The following RUNX1 variants were observed in gnomAD, a reference collection of about 807,000 sequenced individuals.
The protein encoded by RUNX1 is RUNX family transcription factor 1.
A neutral mutation model predicts 42.8 loss-of-function variants in RUNX1; 19 were observed. That is an observed-to-expected ratio of 0.44 (90% confidence interval 0.31 to 0.65). The LOEUF is 0.65. Among genes scored for constraint, RUNX1 ranks in the 30% least tolerant of loss-of-function variants. The pLI is 0.07. For missense variants in RUNX1, 528 were observed against 672.0 expected, an observed-to-expected ratio of 0.79 and a Z score of 2.37; for synonymous variants, 271 against 289.4, an observed-to-expected ratio of 0.94 and a Z score of 0.64.
intron 6 of RUNX1, chr21:34,856,273 T>C (rs2146216085): frequency 8.3e-6 from 4 of 482,378 alleles, no homozygotes; most frequent in South Asian, 6.0e-5. Context: ...GATAACTGCT[T>C]TATTTAGTTA....
chr21:34,992,258 G>T (rs901852714), intron 2 of RUNX1, among the ~76,000 whole-genome samples: 1 of 152,156 alleles, frequency 6.6e-6, no homozygotes, highest in African/African-American at 2.4e-5. Context: ...TGGATGTAGT[G>T]GGGGACTCCC....
chr21:35,033,789 C>A (rs964471330), intron 2 of RUNX1, among the ~76,000 whole-genome samples: 1 of 152,122 alleles, frequency 6.6e-6, no homozygotes, highest in African/African-American at 2.4e-5. Context: ...AGGTTACTTT[C>A]CTCCTAGATT....
At chr21:34,834,625 A>C in intron 6 of RUNX1, 24 bp from the exon 7 acceptor site, 3 of 778,126 alleles carry the variant, frequency 3.9e-6, no homozygotes, top group Non-Finnish European at 4.3e-6. Context: ...CAGGGAGGGG[A>C]GGGGATGGGG....
intron 6 of RUNX1, among the ~76,000 whole-genome samples, chr21:34,839,969 G>A (rs893221463): frequency 1.3e-5 from 2 of 152,158 alleles, no homozygotes; most frequent in African/African-American, 2.4e-5. Flanking sequence ...CTATTTGGCC[G>A]TCTTTTCATT....
In RUNX1 at chr21:34,792,027, C is replaced by T; in HGVS notation, c.*108G>A. 1 of 698,704 alleles carries T rather than the reference C, an allele frequency of 1.4e-6. No homozygotes were observed. Among genetic ancestry groups the T allele is most frequent in the South Asian group, 2.1e-5 (1 of 48,392 alleles). The allele number at this position is 698,704 out of a possible 1,614,324, so 43.3% of individuals were successfully genotyped here. A position where few individuals can be genotyped will look rare whatever the true frequency, so the allele number is the denominator to read the frequency against. ...GGCGCCCTCGGCCCCAGGACGGTGGCCGGGCCCAGGGCCCGGGATCCCGGC... is the reference window on the plus strand; with the variant it reads ...GGCGCCCTCGGCCCCAGGACGGTGGTCGGGCCCAGGGCCCGGGATCCCGGC... On this transcript the variant is annotated 3_prime_UTR_variant, in exon 9 of 9. Transcript: ENST00000675419. This position sits in a 1 kb window ranked among gnomAD's most constrained non-coding sequence, Gnocchi z 6.9.
At chr21:34,941,191 C>T (rs762559492) in intron 2 of RUNX1, among the ~76,000 whole-genome samples, 1 of 152,196 alleles carries the variant, frequency 6.6e-6, no homozygotes, top group Admixed American at 6.5e-5. Flanking sequence ...CTCTAATGTC[C>T]AGGAGTCCCT....
chr21:34,968,551 A>T (rs1379112886), intron 2 of RUNX1, among the ~76,000 whole-genome samples: 4 of 152,104 alleles, frequency 2.6e-5, no homozygotes, highest in Admixed American at 2.6e-4. Context: ...CTTATTCAAG[A>T]CTAAGACCCT....
intron 2 of RUNX1, among the ~76,000 whole-genome samples, chr21:35,039,851 G>T (rs759719516): frequency 1.6e-4 from 25 of 152,172 alleles, no homozygotes; most frequent in Non-Finnish European, 3.4e-4. Context: ...AACTTTGGAA[G>T]TAAAAGCCAT....
chr21:34,889,821 G>C (rs2058057775), intron 3 of RUNX1: 3 of 1,114,990 alleles, frequency 2.7e-6, no homozygotes, highest in Non-Finnish European at 2.2e-6. Context: ...CCTCCCAGCG[G>C]AGGCTGCTCC....
chr21:35,025,823 G>C (rs1031012215), intron 2 of RUNX1, among the ~76,000 whole-genome samples: 2 of 152,132 alleles, frequency 1.3e-5, no homozygotes, highest in Non-Finnish European at 2.9e-5. Flanking sequence ...GTTTCTAGGG[G>C]AGGAAAAGGG....
intron 2 of RUNX1, among the ~76,000 whole-genome samples, chr21:34,904,447 G>A (rs1334286200): frequency 6.6e-6 from 1 of 152,104 alleles, no homozygotes; most frequent in Non-Finnish European, 1.5e-5. Flanking sequence ...CTTGAAAAAT[G>A]TTATCACATA....
chr21:34,829,034 T>C (rs1046392924), intron 7 of RUNX1, among the ~76,000 whole-genome samples: 3 of 152,320 alleles, frequency 2.0e-5, no homozygotes, highest in East Asian at 3.9e-4. Context: ...GATCTGCTAG[T>C]ATAATTATTA....
At chr21:34,977,976 C>T (rs548826668) in intron 2 of RUNX1, among the ~76,000 whole-genome samples, 3 of 151,088 alleles carry the variant, frequency 2.0e-5, no homozygotes, top group South Asian at 2.1e-4. Context: ...GGCTGGATTG[C>T]GGTGGCAGTG....
chr21:34,857,354 T>G (rs754080749), intron 6 of RUNX1, among the ~76,000 whole-genome samples: 57 of 152,232 alleles, frequency 3.7e-4, no homozygotes, highest in Non-Finnish European at 7.1e-4. Context: ...AGACATCTTT[T>G]TTCCCCTCTG....
intron 2 of RUNX1, among the ~76,000 whole-genome samples, chr21:34,976,470 T>A (rs2058802834): frequency 6.6e-6 from 1 of 152,220 alleles, no homozygotes; most frequent in Non-Finnish European, 1.5e-5. Flanking sequence ...ATTGTAAGAC[T>A]TTTTCTATCC....
At chr21:34,793,102 G>A (rs1341132714) in intron 8 of RUNX1, among the ~76,000 whole-genome samples, 2 of 151,606 alleles carry the variant, frequency 1.3e-5, no homozygotes, top group Non-Finnish European at 2.9e-5. Context: ...GAACCACACA[G>A]GATTGCTACC....
Position 34,906,957 on chromosome 21 carries a change from T to C in RUNX1, c.59-13994A>G, listed in dbSNP as rs144015802. Reference sequence around the variant, plus strand: ...ATAAAATGCATTAAAGCTCTTTATTTAGAGAGTCACGTGCCCTTTTGTGGG... The same window carrying C: ...ATAAAATGCATTAAAGCTCTTTATTCAGAGAGTCACGTGCCCTTTTGTGGG... On this transcript the variant is annotated intron_variant, in intron 2 of 8. Coordinates refer to ENST00000675419, the MANE Select transcript of RUNX1 (RefSeq NM_001754.5). Among the ~76,000 whole-genome samples, 1,108 of 152,370 alleles carry C rather than the reference T, an allele frequency of 7.3e-3. 5 individuals carry two copies. The highest frequency in any genetic ancestry group is 0.012 in the Non-Finnish European group (795 of 68,028).
At chr21:34,992,468 T>C (rs8127225) in intron 2 of RUNX1, among the ~76,000 whole-genome samples, 38,706 of 151,896 alleles carry the variant, frequency 0.25, 7,353 homozygotes, top group African/African-American at 0.53. Context: ...ATGAGTCAGG[T>C]ACTGTTCTGG....
intron 2 of RUNX1, among the ~76,000 whole-genome samples, chr21:34,900,563 C>T (rs2058169034): frequency 6.6e-6 from 1 of 152,210 alleles, no homozygotes; most frequent in South Asian, 2.1e-4. Flanking sequence ...AACACACATA[C>T]TCAGCAGCAA....
Sources: gnomAD v4.1 joint callset for allele counts (sites outside exome capture counted in the v4.1 genomes callset) on GRCh38, gnomAD v4.1.1 for gene constraint, Gnocchi (gnomAD v3.1) non-coding constraint, MANE v1.5 for transcripts, NCBI Gene and HGNC (gene_info 2026-07-23, HGNC 2026-07-21) for gene names.